Variants in NGF observed in about 807,000 individuals in gnomAD.
NGF encodes beta-nerve growth factor.
In NGF, 4 loss-of-function variants were observed where a neutral mutation model predicts 12.8. The ratio of observed to expected loss-of-function variants is 0.31; its 90% confidence interval spans 0.15 to 0.72. The LOEUF (loss-of-function observed/expected upper bound fraction) is 0.72. NGF is among the 30% of genes least tolerant of loss of function. The pLI, the probability that NGF is intolerant of heterozygous loss-of-function variation, is 0.69. For synonymous variants in NGF, 140 were observed against 130.0 expected (o/e 1.08, Z -0.52); for missense variants, 283 against 330.8 (o/e 0.86, Z 1.12).
At chr1:115,291,149 C>T (rs1021939594) in intron 2 of NGF, among the ~76,000 whole-genome samples, 3 of 152,096 alleles carry the variant, frequency 2.0e-5, no homozygotes, top group African/African-American at 7.2e-5. Context: ...TCAAATATAT[C>T]TCTCATTTAG....
intron 1 of NGF, among the ~76,000 whole-genome samples, chr1:115,314,004 C>T (rs1211851278): frequency 1.3e-5 from 2 of 152,138 alleles, no homozygotes; most frequent in East Asian, 1.9e-4. Flanking sequence ...ACAGCCTATA[C>T]CAGGACTTCA....
At chr1:115,301,246 C>T (rs1004622167) in intron 1 of NGF, among the ~76,000 whole-genome samples, 1 of 152,082 alleles carries the variant, frequency 6.6e-6, no homozygotes, top group African/African-American at 2.4e-5. Context: ...TTAGAAATTC[C>T]AGAGATGAGG....
At chr1:115,294,342 C>A (rs1204372264) in intron 1 of NGF, among the ~76,000 whole-genome samples, 1 of 152,166 alleles carries the variant, frequency 6.6e-6, no homozygotes. Context: ...GGAGCTGATA[C>A]AATTTTAAAA....
At chr1:115,301,566 T>G (rs1357269217) in intron 1 of NGF, among the ~76,000 whole-genome samples, 1 of 152,154 alleles carries the variant, frequency 6.6e-6, no homozygotes, top group African/African-American at 2.4e-5. Flanking sequence ...CATGCCCCCA[T>G]CTGGCCCTCT....
At chr1:115,298,445 T>TA (rs1161692274) in intron 1 of NGF, among the ~76,000 whole-genome samples, 1 of 152,098 alleles carries the variant, frequency 6.6e-6, no homozygotes, top group African/African-American at 2.4e-5. Flanking sequence ...GGGGAATAGT[T>TA]ACAGCCAGGA....
chr1:115,308,870 A>G (rs4529705), intron 1 of NGF, among the ~76,000 whole-genome samples: 90,047 of 151,988 alleles, frequency 0.59, 28,534 homozygotes, highest in Non-Finnish European at 0.73. Flanking sequence ...TATACCATTC[A>G]TCAGTCAGAG....
At chr1:115,336,501 G>C (rs1655112245) in intron 1 of NGF, among the ~76,000 whole-genome samples, 1 of 152,242 alleles carries the variant, frequency 6.6e-6, no homozygotes, top group Non-Finnish European at 1.5e-5. Context: ...TCAGCCCCCA[G>C]ACCCGCCTGT....
chr1:115,296,339 A>T (rs986626289), intron 1 of NGF, among the ~76,000 whole-genome samples: 2 of 152,260 alleles, frequency 1.3e-5, no homozygotes, highest in Admixed American at 6.5e-5. Context: ...TCCGCTTTTA[A>T]TCAGTGGAGC....
chr1:115,301,320 T>C (rs1654028035), intron 1 of NGF, among the ~76,000 whole-genome samples: 2 of 152,176 alleles, frequency 1.3e-5, no homozygotes, highest in Admixed American at 1.3e-4. Context: ...AGCAAGAGAC[T>C]TAACCTCTCT....
chr1:115,328,359 C>T (rs1654828741), intron 1 of NGF, among the ~76,000 whole-genome samples: 1 of 152,172 alleles, frequency 6.6e-6, no homozygotes, highest in African/African-American at 2.4e-5. Flanking sequence ...GTGTGGGTCA[C>T]TCTTTCATGT....
intron 2 of NGF, among the ~76,000 whole-genome samples, chr1:115,291,943 G>C (rs1358075400): frequency 6.6e-6 from 1 of 152,036 alleles, no homozygotes; most frequent in Non-Finnish European, 1.5e-5. Flanking sequence ...GCTAGAGATG[G>C]GATACGTGAA....
intron 1 of NGF, among the ~76,000 whole-genome samples, chr1:115,313,841 C>T (rs1436045803): frequency 6.6e-6 from 1 of 152,150 alleles, no homozygotes; most frequent in African/African-American, 2.4e-5. Flanking sequence ...TCCATTTTTG[C>T]AAGTAGCTTT....
At chr1:115,291,266 A>T (rs2101024001) in intron 2 of NGF, among the ~76,000 whole-genome samples, 1 of 152,378 alleles carries the variant, frequency 6.6e-6, no homozygotes, top group African/African-American at 2.4e-5. Context: ...TGATCAGTAG[A>T]TAAAAGAAAA....
chr1:115,314,215 C>G (rs1654410793), intron 1 of NGF, among the ~76,000 whole-genome samples: 1 of 152,180 alleles, frequency 6.6e-6, no homozygotes, highest in Non-Finnish European at 1.5e-5. Flanking sequence ...CCCTTCCCCT[C>G]CAAGACAGAC....
intron 1 of NGF, among the ~76,000 whole-genome samples, chr1:115,294,690 C>T (rs1653809678): frequency 6.6e-6 from 1 of 152,196 alleles, no homozygotes; most frequent in African/African-American, 2.4e-5. Flanking sequence ...AGGAGATGGC[C>T]TTCAAGTTGA....
At chr1:115,332,303 A>C (rs919731808) in intron 1 of NGF, among the ~76,000 whole-genome samples, 1 of 152,224 alleles carries the variant, frequency 6.6e-6, no homozygotes, top group Non-Finnish European at 1.5e-5. Flanking sequence ...TCTTACCCAG[A>C]CATTACAAGG....
chr1:115,321,498 A>G (rs2101048397), intron 1 of NGF, among the ~76,000 whole-genome samples: 2 of 151,464 alleles, frequency 1.3e-5, no homozygotes, highest in East Asian at 3.9e-4. Flanking sequence ...TGGATTTTTG[A>G]GTCCGAAAGG....
At position 115,301,312 on chromosome 1, in the gene NGF, CA is replaced by C. The variant is rs533626071; in HGVS notation, c.-136-7563del. ...AATCACCGCACTTCTCAATCTTTAG[CA>C]AGAGACTTAACCTCTCTGCCCCTCA... On this transcript the variant is annotated intron_variant, in intron 1 of 2. Coordinates refer to ENST00000369512, the MANE Select transcript of NGF (RefSeq NM_002506.3). Among the ~76,000 whole-genome samples the C allele has an allele frequency of 7.3e-4, 111 of 152,274 alleles. 1 individual carries two copies. The highest frequency in any genetic ancestry group is 2.6e-3 in the African/African-American group (106 of 41,568).
At chr1:115,336,612 T>A (rs1655115688) in intron 1 of NGF, among the ~76,000 whole-genome samples, 1 of 152,226 alleles carries the variant, frequency 6.6e-6, no homozygotes, top group African/African-American at 2.4e-5. Context: ...TCAGGTTTGA[T>A]ACAGCCTTTC....
Sources: gnomAD v4.1 joint callset for allele counts (sites outside exome capture counted in the v4.1 genomes callset) on GRCh38, gnomAD v4.1.1 for gene constraint, MANE v1.5 for transcripts, NCBI Gene and HGNC (gene_info 2026-07-23, HGNC 2026-07-21) for gene names.